Variants in PCDH15 observed in about 807,000 individuals in gnomAD.
PCDH15 encodes the protein protocadherin-15.
In PCDH15, 129 loss-of-function variants were observed where a neutral mutation model predicts 178.5. That is an observed-to-expected ratio of 0.72 (90% CI 0.63 to 0.84). The LOEUF (loss-of-function observed/expected upper bound fraction) is 0.84, where lower values mean the gene tolerates loss of function less well. PCDH15 is among the 40% of genes least tolerant of loss of function. PCDH15 has a pLI of 0.00. For missense variants in PCDH15, 2,230 were observed against 2,099.9 expected, an observed-to-expected ratio of 1.06 and a Z score of -1.21; for synonymous variants, 800 against 732.0, an observed-to-expected ratio of 1.09 and a Z score of -1.50.
intron 2 of PCDH15, among the ~76,000 whole-genome samples, chr10:55,040,642 A>G (rs957863243): frequency 2.0e-5 from 3 of 152,210 alleles, no homozygotes; most frequent in African/African-American, 7.2e-5. Context: ...TGATTTAAAC[A>G]TATGCATGGA....
chr10:54,247,985 A>T (rs896725409), intron 8 of PCDH15, among the ~76,000 whole-genome samples: 18 of 149,234 alleles, frequency 1.2e-4, no homozygotes, highest in African/African-American at 4.4e-4. Context: ...GACATTCTTA[A>T]TATGTGGAAA....
At chr10:55,427,767 T>G (rs1171831864) in intron 2 of PCDH15, among the ~76,000 whole-genome samples, 3 of 152,058 alleles carry the variant, frequency 2.0e-5, no homozygotes, top group Non-Finnish European at 4.4e-5. Flanking sequence ...TAATCTGTAC[T>G]GGCTGTCTAT....
At chr10:55,054,576 A>AT (rs1841249691) in intron 2 of PCDH15, among the ~76,000 whole-genome samples, 1 of 152,094 alleles carries the variant, frequency 6.6e-6, no homozygotes, top group Non-Finnish European at 1.5e-5. Flanking sequence ...TAGCTTTTCT[A>AT]TTTTATAGGT....
intron 2 of PCDH15, among the ~76,000 whole-genome samples, chr10:55,105,718 G>C (rs1037308695): frequency 2.0e-5 from 3 of 151,852 alleles, no homozygotes. Context: ...ATTTACTAAG[G>C]CTCTCCTAAA....
At position 55,066,527 on chromosome 10, in the gene PCDH15, CTTTTA is replaced by C. The variant is rs1008970267; in HGVS notation, c.-80+100044_-80+100048del. ...TTAAGTTTTCACAAATTACATGAGG[CTTTTA>C]TTTTATTTTATTAATTTATAAATTT... On this transcript the variant is annotated intron_variant, in intron 2 of 5. Coordinates refer to the PCDH15 transcript ENST00000458638. Among the ~76,000 whole-genome samples, 15 of 133,534 alleles carry C rather than the reference CTTTTA, an allele frequency of 1.1e-4. No homozygotes were observed. The South Asian group carries it at 2.4e-3, about 21-fold the overall frequency. 87.6% of individuals were successfully genotyped at this position (133,534 alleles called of 152,430 possible). A position where few individuals can be genotyped will look rare whatever the true frequency, so the allele number is the denominator to read the frequency against.
At chr10:55,554,949 C>A (rs1842063179) in intron 2 of PCDH15, among the ~76,000 whole-genome samples, 1 of 151,974 alleles carries the variant, frequency 6.6e-6, no homozygotes. Flanking sequence ...ATATTTGTCT[C>A]ATGTTTTACC....
intron 15 of PCDH15, among the ~76,000 whole-genome samples, chr10:54,114,662 A>G (rs2095082662): frequency 6.6e-6 from 1 of 152,206 alleles, no homozygotes; most frequent in African/African-American, 2.4e-5. Flanking sequence ...TTGGAATATT[A>G]TTATTTTTTA....
intron 9 of PCDH15, among the ~76,000 whole-genome samples, chr10:54,231,551 A>C (rs997306659): frequency 1.3e-5 from 2 of 152,214 alleles, no homozygotes; most frequent in Admixed American, 1.3e-4. Flanking sequence ...TGTGAGAAGA[A>C]GGCAACTATT....
intron 2 of PCDH15, among the ~76,000 whole-genome samples, chr10:54,934,936 G>A (rs1270615071): frequency 6.6e-6 from 1 of 152,012 alleles, no homozygotes; most frequent in African/African-American, 2.4e-5. Flanking sequence ...GAAGGGACAT[G>A]GATGAAACTG....
At chr10:54,960,693 A>T (rs532380262) in intron 2 of PCDH15, among the ~76,000 whole-genome samples, 1 of 152,322 alleles carries the variant, frequency 6.6e-6, no homozygotes, top group Non-Finnish European at 1.5e-5. Context: ...CAAAAATAAT[A>T]ATATGGTTGA....
intron 3 of PCDH15, among the ~76,000 whole-genome samples, chr10:54,847,569 T>C (rs1027274491): frequency 6.6e-6 from 1 of 152,130 alleles, no homozygotes; most frequent in African/African-American, 2.4e-5. Context: ...TGGAATTAAA[T>C]TGAATAATTT....
intron 2 of PCDH15, among the ~76,000 whole-genome samples, chr10:54,912,785 T>C (rs1349730347): frequency 1.3e-5 from 2 of 152,160 alleles, no homozygotes; most frequent in Non-Finnish European, 2.9e-5. Flanking sequence ...GTTTGGAACT[T>C]CCTAGAGAAT....
chr10:54,700,384 A>C (rs2095293297), intron 1 of PCDH15, among the ~76,000 whole-genome samples: 1 of 152,094 alleles, frequency 6.6e-6, no homozygotes, highest in Non-Finnish European at 1.5e-5. Context: ...GAAATGCCAG[A>C]AACAGAATTA....
intron 21 of PCDH15, among the ~76,000 whole-genome samples, chr10:53,976,106 A>G (rs148173908): frequency 2.0e-5 from 3 of 152,166 alleles, no homozygotes; most frequent in African/African-American, 7.2e-5. Context: ...TGAGAACTCT[A>G]TTCTGTTCCA....
chr10:55,083,625 T>C (rs1282009249), intron 2 of PCDH15, among the ~76,000 whole-genome samples: 1 of 151,832 alleles, frequency 6.6e-6, no homozygotes, highest in Non-Finnish European at 1.5e-5. Context: ...AGTGAAATTA[T>C]CCCTGTTTGC....
chr10:55,157,625 A>G (rs956525604), intron 2 of PCDH15, among the ~76,000 whole-genome samples: 10 of 151,998 alleles, frequency 6.6e-5, no homozygotes, highest in African/African-American at 2.2e-4. Flanking sequence ...CTATGTAGCC[A>G]TAAAAAATGA....
chr10:54,178,748 G>A (rs1362639278), intron 13 of PCDH15, among the ~76,000 whole-genome samples: 3 of 151,754 alleles, frequency 2.0e-5, no homozygotes, highest in African/African-American at 7.3e-5. Context: ...CCATCAAAAA[G>A]TGGGCAAAGA....
At chr10:55,040,137 T>C (rs1465532687) in intron 2 of PCDH15, among the ~76,000 whole-genome samples, 1 of 152,136 alleles carries the variant, frequency 6.6e-6, no homozygotes, top group Non-Finnish European at 1.5e-5. Flanking sequence ...TCTGAGACCC[T>C]TACTGTCTAA....
chr10:54,912,150 G>C lies in PCDH15; in HGVS notation c.-79-14650C>G, dbSNP rs570380102. Among the ~76,000 whole-genome samples the C allele has an allele frequency of 7.2e-5, 11 of 151,994 alleles. 1 individual carries two copies. Among genetic ancestry groups the C allele is most frequent in the Middle Eastern group, 3.4e-3 (1 of 292 alleles). ...ATACAGTGAGTACCATTCCATAGTA[G>C]ACAAATTTTGAATATTTTCATATAT... On this transcript the variant is annotated intron_variant, in intron 2 of 5. Coordinates refer to the PCDH15 transcript ENST00000458638.
Sources: allele counts gnomAD v4.1 joint callset (sites outside exome capture counted in the v4.1 genomes callset), GRCh38; gene constraint gnomAD v4.1.1; transcripts MANE v1.5; gene names NCBI Gene and HGNC (gene_info 2026-07-23, HGNC 2026-07-21).